The following CDC73 variants were observed in gnomAD, a reference collection of about 807,000 sequenced individuals.
The protein encoded by CDC73 is parafibromin.
A neutral mutation model predicts 83.7 loss-of-function variants in CDC73; 21 were observed. The observed-to-expected ratio is 0.25, with a 90% CI of 0.18 to 0.36. The LOEUF is 0.36. Among genes scored for constraint, CDC73 ranks in the 10% least tolerant of loss-of-function variants. CDC73 has a pLI of 1.00. For missense variants in CDC73, 342 were observed against 653.3 expected (o/e 0.52, Z 5.19); for synonymous variants, 224 against 212.9 (o/e 1.05, Z -0.45).
Position 193,132,314 on chromosome 1 carries a change from G to A in CDC73, c.307+2071G>A, listed in dbSNP as rs896744902. Among the ~76,000 whole-genome samples, 8 of 152,208 alleles carry A rather than the reference G, an allele frequency of 5.3e-5. No individual in the cohort carries two copies. In the South Asian group the frequency reaches 8.3e-4, roughly 16 times the overall value. ...CTTATTACGTGCTTATTCTTAAAAG[G>A]CATTATGCTGGGTGTTGTGCAAAAT... is the stretch of plus-strand genomic sequence containing the variant. On this transcript the variant is annotated intron_variant, in intron 3 of 16. Coordinates refer to ENST00000367435, the MANE Select transcript of CDC73 (RefSeq NM_024529.5).
Position 193,250,006 on chromosome 1 carries a change from C to T in CDC73, c.1559+135C>T, listed in dbSNP as rs1344937526. 21 of 804,982 alleles carry T rather than the reference C, an allele frequency of 2.6e-5. No individual in the cohort carries two copies. In the East Asian group the frequency reaches 5.5e-4, roughly 21 times the overall value. The allele number at this position is 804,982 out of a possible 1,614,324, so 49.9% of individuals were successfully genotyped here. ...TCAACATTAACTTGATGCTTATCTT[C>T]AGTACATAATTAACAATTTTTTATT... On this transcript the variant is annotated intron_variant, in intron 16 of 16. Coordinates refer to ENST00000367435, the MANE Select transcript of CDC73 (RefSeq NM_024529.5).
In CDC73 at chr1:193,128,434, T is replaced by C. The variant is rs1475801951; in HGVS notation, c.238-1740T>C. On this transcript the variant is annotated intron_variant, in intron 2 of 16. Transcript: ENST00000367435. ...TCAGCCTCCTGAGTAGCTGGGAGTA[T>C]AGCTGGGACTGCAGGCGCTTGCCAC... Among the ~76,000 whole-genome samples the C allele has an allele frequency of 3.9e-5, 6 of 151,916 alleles. 1 individual carries two copies. The highest frequency in any genetic ancestry group is 8.8e-5 in the Non-Finnish European group (6 of 67,986).
chr1:193,230,175 G>T (rs1677636609), intron 13 of CDC73, among the ~76,000 whole-genome samples: 1 of 145,922 alleles, frequency 6.9e-6, no homozygotes, highest in Non-Finnish European at 1.5e-5. Context: ...CTGAGGCAGA[G>T]TCTCACTCTG....
chr1:193,205,754 T>C (rs1192024691), intron 11 of CDC73, among the ~76,000 whole-genome samples: 1 of 152,120 alleles, frequency 6.6e-6, no homozygotes, highest in Non-Finnish European at 1.5e-5. Flanking sequence ...TTCTATATAA[T>C]AGGCTCTTGT....
chr1:193,236,404 C>G (rs369262925), intron 15 of CDC73, 48 bp downstream of exon 15: 315 of 1,200,860 alleles, frequency 2.6e-4, no homozygotes, highest in Non-Finnish European at 3.8e-4. Context: ...AATGTTCTCA[C>G]TTTATTTAAG....
chr1:193,159,595 C>T (rs1676271438), intron 10 of CDC73, among the ~76,000 whole-genome samples: 1 of 152,168 alleles, frequency 6.6e-6, no homozygotes. Context: ...CTCCTGACCT[C>T]AAGCGATCTG....
At chr1:193,183,233 C>A (rs1228502992) in intron 10 of CDC73, among the ~76,000 whole-genome samples, 2 of 151,432 alleles carry the variant, frequency 1.3e-5, no homozygotes, top group African/African-American at 2.4e-5. Context: ...CTAGGAGGAG[C>A]AAGTAGGTGG....
chr1:193,122,836 C>A (rs1675485567), intron 1 of CDC73, among the ~76,000 whole-genome samples: 1 of 152,036 alleles, frequency 6.6e-6, no homozygotes, highest in Non-Finnish European at 1.5e-5. Flanking sequence ...AAAAGGGAAT[C>A]AACCCTGAAG....
chr1:193,150,313 T>C lies in CDC73; in HGVS notation c.838T>C (p.Leu280=). 1 of 1,609,656 alleles carries C rather than the reference T, an allele frequency of 6.2e-7. No individual in the cohort carries two copies. The change falls in exon 9 of 17, where the codon TTG becomes CTG. Residue 280 remains leucine, a synonymous_variant. Transcript: ENST00000367435. Reference sequence around the variant, plus strand: ...ATTAATTTTTTTACAGGATCCCACTTTGCGCACCAAACAGCCTATCCCAGC... The same window carrying C: ...ATTAATTTTTTTACAGGATCCCACTCTGCGCACCAAACAGCCTATCCCAGC... The part of the protein sequence containing the change: ...APNAAPVDPT[L]RTKQPIPAAY...
intron 10 of CDC73, among the ~76,000 whole-genome samples, chr1:193,162,389 T>G (rs1056720365): frequency 6.9e-6 from 1 of 144,082 alleles, no homozygotes; most frequent in Non-Finnish European, 1.5e-5. Flanking sequence ...TATACACATA[T>G]GAAGACAGAG....
At chr1:193,239,136 T>A (rs1464372897) in intron 15 of CDC73, among the ~76,000 whole-genome samples, 1 of 152,222 alleles carries the variant, frequency 6.6e-6, no homozygotes, top group Non-Finnish European at 1.5e-5. Flanking sequence ...ATAACTTCTC[T>A]GTGATATCTC....
intron 10 of CDC73, among the ~76,000 whole-genome samples, chr1:193,177,611 T>C (rs1676631620): frequency 6.6e-6 from 1 of 151,922 alleles, no homozygotes. Flanking sequence ...GTATTTAACC[T>C]CTTACACGAG....
At chr1:193,190,657 T>G (rs1165297632) in intron 10 of CDC73, among the ~76,000 whole-genome samples, 2 of 152,236 alleles carry the variant, frequency 1.3e-5, no homozygotes, top group Non-Finnish European at 2.9e-5. Flanking sequence ...TAAATTTAAG[T>G]GTCTCTTTCA....
intron 10 of CDC73, chr1:193,180,235 A>G (rs1392842849): frequency 1.6e-5 from 23 of 1,446,084 alleles, no homozygotes; most frequent in Non-Finnish European, 2.0e-5. Flanking sequence ...AATCAGTTCT[A>G]ACTATACATG....
intron 7 of CDC73, among the ~76,000 whole-genome samples, chr1:193,145,326 A>C (rs1675977647): frequency 6.6e-6 from 1 of 152,054 alleles, no homozygotes; most frequent in South Asian, 2.1e-4. Flanking sequence ...TACCTGAAAA[A>C]CCTTTTCCAG....
At chr1:193,223,413 T>C (rs2102049002) in intron 13 of CDC73, among the ~76,000 whole-genome samples, 1 of 152,256 alleles carries the variant, frequency 6.6e-6, no homozygotes, top group Middle Eastern at 3.4e-3. Context: ...AATTCTCTAT[T>C]GGAGGTTTTA....
chr1:193,243,151 G>A (rs1677891082), intron 15 of CDC73, among the ~76,000 whole-genome samples: 1 of 151,896 alleles, frequency 6.6e-6, no homozygotes, highest in Non-Finnish European at 1.5e-5. Context: ...TCATCATGTT[G>A]GTCTGGTCTC....
rs2103137372 is a variant in CDC73 at position 193,157,259 on chromosome 1, T to C, written c.972+4815T>C. Among the ~76,000 whole-genome samples the C allele has an allele frequency of 2.0e-5, 3 of 152,326 alleles. No individual in the cohort carries two copies. The Middle Eastern group carries it at 0.01, about 518-fold the overall frequency. On this transcript the variant is annotated intron_variant, in intron 10 of 16. Coordinates refer to ENST00000367435, the MANE Select transcript of CDC73 (RefSeq NM_024529.5). ...TGCTTGTAGGAAAGTTTGTTTTTCT[T>C]CTTCCTGCCTGTTCGTAAATGTTAG...
At chr1:193,185,803 T>C (rs1676796759) in intron 10 of CDC73, among the ~76,000 whole-genome samples, 2 of 152,192 alleles carry the variant, frequency 1.3e-5, no homozygotes, top group African/African-American at 4.8e-5. Flanking sequence ...CTGATGTCTA[T>C]TACCCAGAAT....
Sources: allele counts gnomAD v4.1 joint callset (sites outside exome capture counted in the v4.1 genomes callset), GRCh38; gene constraint gnomAD v4.1.1; transcripts MANE v1.5; gene names NCBI Gene and HGNC (gene_info 2026-07-23, HGNC 2026-07-21).